Variants in CDC73 observed in about 807,000 individuals in gnomAD.
CDC73 encodes cell division cycle 73.
A neutral mutation model predicts 83.7 loss-of-function variants in CDC73; 21 were observed. The observed-to-expected ratio is 0.25, with a 90% confidence interval of 0.18 to 0.36. The LOEUF (loss-of-function observed/expected upper bound fraction) is 0.36. CDC73 is among the 10% of genes least tolerant of loss of function. The pLI, the probability that CDC73 is intolerant of heterozygous loss-of-function variation, is 1.00. For synonymous variants in CDC73, 224 were observed against 212.9 expected (o/e 1.05, Z -0.45); for missense variants, 342 against 653.3 (o/e 0.52, Z 5.19).
chr1:193,187,961 C>T (rs1676848327), intron 10 of CDC73, among the ~76,000 whole-genome samples: 1 of 152,206 alleles, frequency 6.6e-6, no homozygotes, highest in Non-Finnish European at 1.5e-5. Flanking sequence ...CTGCAATTCT[C>T]ACTCACTACC....
chr1:193,135,112 A>G (rs1043894225), intron 3 of CDC73, among the ~76,000 whole-genome samples: 2 of 152,004 alleles, frequency 1.3e-5, no homozygotes, highest in Non-Finnish European at 2.9e-5. Context: ...CTGTGTTATG[A>G]CATTGGAGCA....
intron 14 of CDC73, among the ~76,000 whole-genome samples, chr1:193,234,847 C>G (rs1677729883): frequency 6.6e-6 from 1 of 151,936 alleles, no homozygotes; most frequent in Admixed American, 6.6e-5. Context: ...AGGCATGTAT[C>G]CCATGAAAGG....
At chr1:193,208,991 T>C (rs1030816723) in intron 11 of CDC73, among the ~76,000 whole-genome samples, 1 of 152,240 alleles carries the variant, frequency 6.6e-6, no homozygotes, top group Non-Finnish European at 1.5e-5. Flanking sequence ...TATACACTCA[T>C]TTTGTTCCCT....
intron 10 of CDC73, among the ~76,000 whole-genome samples, chr1:193,172,748 T>A (rs1201709487): frequency 6.6e-6 from 1 of 152,170 alleles, no homozygotes; most frequent in East Asian, 1.9e-4. Context: ...GTGTTCTGAA[T>A]TGTCAGGTCC....
intron 10 of CDC73, among the ~76,000 whole-genome samples, chr1:193,200,533 C>G (rs970474170): frequency 2.0e-5 from 3 of 152,166 alleles, no homozygotes; most frequent in African/African-American, 7.2e-5. Flanking sequence ...TATTACTTTT[C>G]TAGAATGCCT....
At chr1:193,122,395 C>G in intron 1 of CDC73, 64 bp downstream of exon 1, 1 of 1,605,568 alleles carries the variant, frequency 6.2e-7, no homozygotes, top group Non-Finnish European at 8.5e-7. Context: ...CAGGCGACCT[C>G]TTTCTTAACC....
intron 10 of CDC73, among the ~76,000 whole-genome samples, chr1:193,164,736 C>A (rs142395360): frequency 1.3e-5 from 2 of 152,098 alleles, no homozygotes; most frequent in Admixed American, 1.3e-4. Flanking sequence ...ATTTCTATTC[C>A]TTGTTGTGTC....
chr1:193,200,552 G>C (rs570454568), intron 10 of CDC73, among the ~76,000 whole-genome samples: 3 of 152,210 alleles, frequency 2.0e-5, no homozygotes, highest in Middle Eastern at 3.4e-3. Context: ...CTCAAGTCTT[G>C]GTGAAATTAT....
intron 11 of CDC73, among the ~76,000 whole-genome samples, chr1:193,206,568 G>A (rs1677192311): frequency 6.6e-6 from 1 of 152,156 alleles, no homozygotes; most frequent in South Asian, 2.1e-4. Context: ...AAGGGATATT[G>A]TTTAATATCT....
chr1:193,227,317 G>C (rs1449235686), intron 13 of CDC73, among the ~76,000 whole-genome samples: 1 of 151,912 alleles, frequency 6.6e-6, no homozygotes, highest in Admixed American at 6.6e-5. Flanking sequence ...ATATCTGAGC[G>C]ATTGGCTTTG....
intron 15 of CDC73, among the ~76,000 whole-genome samples, chr1:193,237,613 G>C (rs576431351): frequency 6.6e-6 from 1 of 152,260 alleles, no homozygotes; most frequent in South Asian, 2.1e-4. Context: ...GCGGGTTGGA[G>C]GTGGTGTGGT....
chr1:193,165,715 A>G (rs1676424674), intron 10 of CDC73, among the ~76,000 whole-genome samples: 1 of 152,256 alleles, frequency 6.6e-6, no homozygotes, highest in Non-Finnish European at 1.5e-5. Context: ...TCTTTCACAC[A>G]TGGATGCATG....
chr1:193,172,726 T>G (rs979422137), intron 10 of CDC73, among the ~76,000 whole-genome samples: 1 of 152,162 alleles, frequency 6.6e-6, no homozygotes, highest in Non-Finnish European at 1.5e-5. Context: ...TCCCTCTTCC[T>G]TTTGCCATCC....
At chr1:193,216,492 T>G (rs1375509560) in intron 13 of CDC73, among the ~76,000 whole-genome samples, 10 of 151,982 alleles carry the variant, frequency 6.6e-5, no homozygotes, top group Admixed American at 4.6e-4. Flanking sequence ...ACCAGACAGA[T>G]TAACAGCTGA....
At chr1:193,151,338 G>A (rs1676106471) in intron 9 of CDC73, among the ~76,000 whole-genome samples, 1 of 152,094 alleles carries the variant, frequency 6.6e-6, no homozygotes, top group South Asian at 2.1e-4. Context: ...GAAAGACTAC[G>A]TCCATTCTTT....
chr1:193,205,354 G>A (rs1316153194), intron 11 of CDC73, among the ~76,000 whole-genome samples: 1 of 151,944 alleles, frequency 6.6e-6, no homozygotes, highest in African/African-American at 2.4e-5. Flanking sequence ...CTCATTCATA[G>A]TATGTACACA....
At chr1:193,190,065 C>T (rs564690232) in intron 10 of CDC73, among the ~76,000 whole-genome samples, 9 of 152,126 alleles carry the variant, frequency 5.9e-5, no homozygotes, top group Non-Finnish European at 1.2e-4. Flanking sequence ...CCTGTTTGTG[C>T]TTTATTATGA....
intron 10 of CDC73, among the ~76,000 whole-genome samples, chr1:193,165,802 A>G (rs907863474): frequency 1.3e-5 from 2 of 152,214 alleles, no homozygotes; most frequent in Non-Finnish European, 2.9e-5. Flanking sequence ...CTCCACTGGT[A>G]CACTTAAGCT....
intron 7 of CDC73, among the ~76,000 whole-genome samples, chr1:193,147,344 A>G (rs1038027899): frequency 1.3e-5 from 2 of 150,852 alleles, no homozygotes. Context: ...GATGCAGAAT[A>G]TGAATACATT....
Sources: allele counts gnomAD v4.1 joint callset (sites outside exome capture counted in the v4.1 genomes callset), GRCh38; gene constraint gnomAD v4.1.1; transcripts MANE v1.5; gene names NCBI Gene and HGNC (gene_info 2026-07-23, HGNC 2026-07-21).